Variants in ANO10 observed in about 807,000 individuals in gnomAD.
ANO10 encodes the protein anoctamin 10.
In ANO10, 77 loss-of-function variants were observed where a neutral mutation model predicts 74.7. The observed-to-expected ratio is 1.03, with a 90% confidence interval of 0.86 to 1.25. The LOEUF is 1.25. Ranked by LOEUF, ANO10 falls within the 50% of genes most tolerant of loss-of-function variation. The pLI is 0.00. For missense variants in ANO10, 721 were observed against 778.1 expected (o/e 0.93, Z 0.87); for synonymous variants, 279 against 284.9 (o/e 0.98, Z 0.21).
At chr3:43,432,937 C>CT (rs2093007247) in intron 11 of ANO10, among the ~76,000 whole-genome samples, 1 of 77,002 alleles carries the variant, frequency 1.3e-5, no homozygotes, top group East Asian at 4.8e-4. Flanking sequence ...ACTGACTTTG[C>CT]TTAATTCTTT....
intron 4 of ANO10, among the ~76,000 whole-genome samples, chr3:43,581,866 C>T (rs2081276153): frequency 6.8e-6 from 1 of 146,836 alleles, no homozygotes; most frequent in Non-Finnish European, 1.5e-5. Context: ...TTCAAGGCTA[C>T]AGTGAGCTAT....
At chr3:43,631,059 T>C (rs2083541345) in intron 1 of ANO10, among the ~76,000 whole-genome samples, 1 of 152,224 alleles carries the variant, frequency 6.6e-6, no homozygotes, top group African/African-American at 2.4e-5. Flanking sequence ...TTTTAGTCTT[T>C]ACTTCTCCCA....
chr3:43,572,140 A>C (rs1374763199), intron 7 of ANO10, among the ~76,000 whole-genome samples: 1 of 152,198 alleles, frequency 6.6e-6, no homozygotes, highest in African/African-American at 2.4e-5. Flanking sequence ...CCTACCACCC[A>C]GGTAGCCCAA....
intron 1 of ANO10, among the ~76,000 whole-genome samples, chr3:43,614,213 C>G (rs1431951387): frequency 6.6e-6 from 1 of 152,116 alleles, no homozygotes; most frequent in Non-Finnish European, 1.5e-5. Flanking sequence ...TCATAATAAC[C>G]AGATCATAAA....
At chr3:43,481,230 C>CT (rs1373207104) in intron 11 of ANO10, among the ~76,000 whole-genome samples, 1 of 152,004 alleles carries the variant, frequency 6.6e-6, no homozygotes, top group African/African-American at 2.4e-5. Flanking sequence ...TGTTATTACT[C>CT]TTAAAGGAAT....
chr3:43,383,453 C>CAAAAAAAAAAAAAAAAAAAAA (rs1235535066), intron 12 of ANO10, among the ~76,000 whole-genome samples: 1 of 50,842 alleles, frequency 2.0e-5, no homozygotes, highest in African/African-American at 7.1e-5. Flanking sequence ...GACTCTGTCT[C>CAAAAAAAAAAAAAAAAAAAAA]AAAAAAAAAA....
At position 43,659,797 on chromosome 3, in the gene ANO10, G is replaced by A. The variant is rs138047252; in HGVS notation, c.-12+31720C>T. On this transcript the variant is annotated intron_variant, in intron 1 of 3. Transcript: ENST00000413397. ...CCTCAAGTGGGTCCCTGACCCCCATGTAGCCTGACTGGAAGATGCCTCCCA... is the reference window on the plus strand; with the variant it reads ...CCTCAAGTGGGTCCCTGACCCCCATATAGCCTGACTGGAAGATGCCTCCCA... 6.4e-4 allele frequency among the ~76,000 whole-genome samples: 98 copies of A among 152,312 alleles called. 1 individual carries two copies. In the East Asian group the frequency reaches 0.016, roughly 25 times the overall value.
chr3:43,406,877 A>AG (rs1240414159), intron 12 of ANO10, among the ~76,000 whole-genome samples: 1 of 151,762 alleles, frequency 6.6e-6, no homozygotes, highest in Non-Finnish European at 1.5e-5. Context: ...TTCCACCTGC[A>AG]GTGTGCACGC....
intron 1 of ANO10, among the ~76,000 whole-genome samples, chr3:43,676,858 GCTTT>G (rs1488500343): frequency 6.6e-6 from 1 of 151,328 alleles, no homozygotes; most frequent in Non-Finnish European, 1.5e-5. Context: ...TTTACTTCCC[GCTTT>G]CTAAGTACAT....
intron 11 of ANO10, among the ~76,000 whole-genome samples, chr3:43,476,083 T>C (rs1352184329): frequency 5.3e-5 from 8 of 152,254 alleles, no homozygotes; most frequent in Non-Finnish European, 4.4e-5. Context: ...ATCATATATT[T>C]TGATACACTG....
intron 1 of ANO10, among the ~76,000 whole-genome samples, chr3:43,648,828 C>CA (rs1457320889): frequency 1.3e-5 from 2 of 152,068 alleles, no homozygotes; most frequent in African/African-American, 4.8e-5. Flanking sequence ...AGGCGCCCAC[C>CA]ACCACGTCCG....
chr3:43,500,264 T>C (rs1181122127), intron 11 of ANO10, among the ~76,000 whole-genome samples: 2 of 152,216 alleles, frequency 1.3e-5, no homozygotes, highest in African/African-American at 4.8e-5. Context: ...GCCTCAGCAG[T>C]GTGGGTGATG....
rs1248381555 is a variant in ANO10 at position 43,366,489 on chromosome 3, T to G, written c.*417A>C. On this transcript the variant is annotated 3_prime_UTR_variant, in exon 13 of 13. Coordinates refer to ENST00000292246, the MANE Select transcript of ANO10 (RefSeq NM_018075.5). ...TCACTCTCAACTGAGGCTCCTGTGA[T>G]GAGCACAGTGGGCACACACCCCATC... 3.0e-6 allele frequency: 1 copy of G among 337,066 alleles called. No individual in the cohort carries two copies. The highest frequency in any genetic ancestry group is 2.1e-5 in the African/African-American group (1 of 47,024). 20.9% of individuals were successfully genotyped at this position (337,066 alleles called of 1,614,324 possible). A position where few individuals can be genotyped will look rare whatever the true frequency, so the allele number is the denominator to read the frequency against.
intron 4 of ANO10, 24 bp from the exon 5 acceptor site, chr3:43,580,496 C>T: frequency 6.2e-7 from 1 of 1,612,066 alleles, no homozygotes; most frequent in Non-Finnish European, 8.5e-7. Context: ...ATGTGCCAAA[C>T]TGCATGAAAT....
At chr3:43,640,560 T>C (rs7614885) in intron 1 of ANO10, among the ~76,000 whole-genome samples, 25,910 of 152,126 alleles carry the variant, frequency 0.17, 3,954 homozygotes, top group African/African-American at 0.39. Flanking sequence ...GGAAGTTTCA[T>C]TTCTAATGTT....
At chr3:43,495,697 G>GA (rs922339706) in intron 11 of ANO10, among the ~76,000 whole-genome samples, 12 of 150,974 alleles carry the variant, frequency 7.9e-5, no homozygotes, top group Middle Eastern at 3.4e-3. Flanking sequence ...TCCAATTTGT[G>GA]AAAAAAAAAT....
intron 12 of ANO10, among the ~76,000 whole-genome samples, chr3:43,404,895 A>C (rs950915571): frequency 1.4e-5 from 2 of 146,282 alleles, no homozygotes; most frequent in East Asian, 2.0e-4. Context: ...AAAAAAAAAA[A>C]CCACCAAAAA....
intron 11 of ANO10, among the ~76,000 whole-genome samples, chr3:43,451,658 A>T (rs982479180): frequency 1.3e-5 from 2 of 152,196 alleles, no homozygotes; most frequent in African/African-American, 4.8e-5. Context: ...TTTGCAAAAG[A>T]AATACAAGAC....
At chr3:43,620,639 A>T (rs2083343496) in intron 1 of ANO10, among the ~76,000 whole-genome samples, 1 of 152,142 alleles carries the variant, frequency 6.6e-6, no homozygotes, top group African/African-American at 2.4e-5. Flanking sequence ...TTAGCCGGGC[A>T]TGGTGGCAGG....
Sources: gnomAD v4.1 joint callset for allele counts (sites outside exome capture counted in the v4.1 genomes callset) on GRCh38, gnomAD v4.1.1 for gene constraint, MANE v1.5 for transcripts, NCBI Gene and HGNC (gene_info 2026-07-23, HGNC 2026-07-21) for gene names.